The following NRXN1 variants were observed in gnomAD, a reference collection of about 807,000 sequenced individuals.
The protein encoded by NRXN1 is neurexin-1.
NRXN1 carries 39 observed loss-of-function variants against 150.9 expected under a neutral mutation model. The ratio of observed to expected loss-of-function variants is 0.26; its 90% CI spans 0.20 to 0.34. The LOEUF is 0.34. NRXN1 is among the 10% of genes least tolerant of loss of function. The pLI, the probability that NRXN1 is intolerant of heterozygous loss-of-function variation, is 1.00. For synonymous variants in NRXN1, 924 were observed against 757.0 expected, an observed-to-expected ratio of 1.22 and a Z score of -3.62; for missense variants, 1,815 against 1,949.9, an observed-to-expected ratio of 0.93 and a Z score of 1.30.
At chr2:50,773,089 T>A (rs987206840) in intron 5 of NRXN1, among the ~76,000 whole-genome samples, 1 of 152,186 alleles carries the variant, frequency 6.6e-6, no homozygotes, top group Non-Finnish European at 1.5e-5. Flanking sequence ...CTACTTTACC[T>A]ACCTAATTTC....
At chr2:50,652,191 C>T (rs921970053) in intron 5 of NRXN1, among the ~76,000 whole-genome samples, 2 of 152,038 alleles carry the variant, frequency 1.3e-5, no homozygotes, top group Non-Finnish European at 2.9e-5. Context: ...CTTTTACCTC[C>T]AGGCTTCTAT....
At chr2:50,460,725 T>G (rs899175250) in intron 17 of NRXN1, among the ~76,000 whole-genome samples, 3 of 152,078 alleles carry the variant, frequency 2.0e-5, no homozygotes, top group African/African-American at 2.4e-5. Flanking sequence ...AAAAATATTT[T>G]AATCCTTTAT....
At chr2:50,881,985 G>A (rs907531088) in intron 5 of NRXN1, among the ~76,000 whole-genome samples, 6 of 151,660 alleles carry the variant, frequency 4.0e-5, no homozygotes, top group African/African-American at 7.3e-5. Context: ...TCTGTCCTAT[G>A]TTCAGTGTCT....
intron 17 of NRXN1, among the ~76,000 whole-genome samples, chr2:50,280,734 T>C (rs1356874460): frequency 6.6e-6 from 1 of 152,182 alleles, no homozygotes; most frequent in Admixed American, 6.5e-5. Flanking sequence ...AATTGATAGC[T>C]TGGGATCTCC....
intron 8 of NRXN1, among the ~76,000 whole-genome samples, chr2:50,558,285 T>A (rs1668538863): frequency 6.6e-6 from 1 of 152,220 alleles, no homozygotes; most frequent in Non-Finnish European, 1.5e-5. Flanking sequence ...TTCTTCATGA[T>A]CATGTCTAAT....
At chr2:50,807,666 C>G (rs950837312) in intron 5 of NRXN1, among the ~76,000 whole-genome samples, 1 of 152,086 alleles carries the variant, frequency 6.6e-6, no homozygotes, top group Non-Finnish European at 1.5e-5. Context: ...CCTTTCCTTG[C>G]TCTGCTGTAC....
At chr2:51,024,833 C>G (rs1349765037) in intron 2 of NRXN1, among the ~76,000 whole-genome samples, 1 of 151,818 alleles carries the variant, frequency 6.6e-6, no homozygotes, top group African/African-American at 2.4e-5. Context: ...CTGTTTTTTT[C>G]CCTAAATTTT....
intron 5 of NRXN1, among the ~76,000 whole-genome samples, chr2:50,658,254 C>T (rs961533536): frequency 6.6e-6 from 1 of 151,856 alleles, no homozygotes; most frequent in African/African-American, 2.4e-5. Flanking sequence ...CAAAACAACG[C>T]TAGCTGAGGT....
chr2:50,308,330 T>C (rs2074837757), intron 17 of NRXN1, among the ~76,000 whole-genome samples: 1 of 151,986 alleles, frequency 6.6e-6, no homozygotes, highest in Admixed American at 6.6e-5. Context: ...AAATTATTTT[T>C]TATTTTTTAC....
chr2:50,895,823 A>AC (rs1291429916), intron 5 of NRXN1, among the ~76,000 whole-genome samples: 1 of 151,758 alleles, frequency 6.6e-6, no homozygotes, highest in African/African-American at 2.4e-5. Context: ...CAAGTAATCC[A>AC]CCCTCATCAG....
chr2:50,602,779 A>G (rs1389312847), intron 8 of NRXN1, among the ~76,000 whole-genome samples: 3 of 152,200 alleles, frequency 2.0e-5, no homozygotes. Context: ...AATCTCATCC[A>G]TCTCTTCCAC....
At chr2:50,469,959 TA>T (rs2104685836) in intron 16 of NRXN1, among the ~76,000 whole-genome samples, 1 of 151,572 alleles carries the variant, frequency 6.6e-6, no homozygotes, top group Admixed American at 6.6e-5. Context: ...TGCCCTTTGT[TA>T]GTATATCCTG....
intron 22 of NRXN1, among the ~76,000 whole-genome samples, chr2:49,935,487 G>T (rs1670875130): frequency 6.6e-6 from 1 of 152,118 alleles, no homozygotes; most frequent in Non-Finnish European, 1.5e-5. Flanking sequence ...TATATTGCCA[G>T]TGTCAGGCTT....
intron 17 of NRXN1, among the ~76,000 whole-genome samples, chr2:50,366,796 G>T (rs572287269): frequency 1.6e-4 from 24 of 152,040 alleles, no homozygotes; most frequent in Non-Finnish European, 2.8e-4. Flanking sequence ...ACACACTAAG[G>T]ATGGAGAAGA....
intron 5 of NRXN1, among the ~76,000 whole-genome samples, chr2:50,914,772 T>C (rs1684984368): frequency 6.6e-6 from 1 of 151,682 alleles, no homozygotes; most frequent in Non-Finnish European, 1.5e-5. Context: ...AAAATTAGTG[T>C]ACTATGAGAA....
chr2:50,249,923 C>T (rs1365665549), intron 17 of NRXN1, among the ~76,000 whole-genome samples: 1 of 152,122 alleles, frequency 6.6e-6, no homozygotes, highest in Non-Finnish European at 1.5e-5. Context: ...CAGGCGTGAG[C>T]CACCGTGCCT....
chr2:50,623,238 T>TA, intron 6 of NRXN1, 76 bp downstream of exon 6: 2 of 1,165,002 alleles, frequency 1.7e-6, no homozygotes, highest in Non-Finnish European at 2.5e-6. Flanking sequence ...ATCATGTTGT[T>TA]AGAGTATTTA....
chr2:50,442,527 G>A (rs1238354319), intron 17 of NRXN1, among the ~76,000 whole-genome samples: 1 of 152,118 alleles, frequency 6.6e-6, no homozygotes, highest in Non-Finnish European at 1.5e-5. Flanking sequence ...TGTGGAGAGT[G>A]AGGAGGGAAG....
chr2:50,981,727 A>AC (rs1315429906), intron 2 of NRXN1, among the ~76,000 whole-genome samples: 3 of 151,938 alleles, frequency 2.0e-5, no homozygotes, highest in African/African-American at 7.2e-5. Context: ...AATGATAACC[A>AC]CCAACAAAGG....
Sources: gnomAD v4.1 joint callset for allele counts (sites outside exome capture counted in the v4.1 genomes callset) on GRCh38, gnomAD v4.1.1 for gene constraint, MANE v1.5 for transcripts, NCBI Gene and HGNC (gene_info 2026-07-23, HGNC 2026-07-21) for gene names.